Variants in TPH1 observed in about 807,000 individuals in gnomAD.
The protein encoded by TPH1 is tryptophan 5-hydroxylase 1.
A neutral mutation model predicts 49.5 loss-of-function variants in TPH1; 37 were observed. That is an observed-to-expected ratio of 0.75 (90% CI 0.58 to 0.98). The LOEUF (loss-of-function observed/expected upper bound fraction) is 0.98, where lower values mean the gene tolerates loss of function less well. TPH1 is among the 50% of genes least tolerant of loss of function. The probability of loss-of-function intolerance (pLI) is 0.00; values close to 1 mark genes in which losing one functional copy is unlikely to be tolerated. For missense variants in TPH1, 487 were observed against 523.6 expected (o/e 0.93, Z 0.68); for synonymous variants, 160 against 182.1 (o/e 0.88, Z 0.98).
In TPH1 at chr11:18,020,814, G is replaced by T; in HGVS notation, c.*177C>A. The T allele has an allele frequency of 1.6e-6, 1 of 621,366 alleles. No individual in the cohort carries two copies. The highest frequency in any genetic ancestry group is 2.8e-6 in the Non-Finnish European group (1 of 354,996). 38.5% of individuals were successfully genotyped at this position (621,366 alleles called of 1,614,324 possible). ...ATAAAACTAAACAAAAAAATAAGTG[G>T]TAAATAGAATATCCAGGTACAAATT... On this transcript the variant is annotated 3_prime_UTR_variant, in exon 11 of 11. Transcript: ENST00000682019.
chr11:18,034,813 T>C (rs17721739), intron 3 of TPH1, among the ~76,000 whole-genome samples: 20,060 of 152,214 alleles, frequency 0.13, 1,607 homozygotes, highest in Middle Eastern at 0.29. Context: ...ACCTTTATCT[T>C]TGCTACCTGA....
chr11:18,041,760 T>C (rs1391414325), intron 1 of TPH1, among the ~76,000 whole-genome samples: 6 of 152,232 alleles, frequency 3.9e-5, no homozygotes, highest in Non-Finnish European at 8.8e-5. Context: ...CAATTTCTAT[T>C]TCAAATGCTA....
At chr11:18,033,177 C>T in intron 4 of TPH1, 97 bp downstream of exon 4, 2 of 947,812 alleles carry the variant, frequency 2.1e-6, no homozygotes, top group Admixed American at 1.7e-5. Flanking sequence ...CACTTGAACC[C>T]AAGAAGCAGA....
At chr11:18,040,075 ATAAT>A (rs1273315839) in intron 2 of TPH1, among the ~76,000 whole-genome samples, 2 of 150,386 alleles carry the variant, frequency 1.3e-5, no homozygotes, top group African/African-American at 2.4e-5. Context: ...TCTCAAGTAT[ATAAT>A]TAATAATATA....
chr11:18,021,033 GACA>G lies in TPH1; in HGVS notation c.1290_1292del (p.Val431del), dbSNP rs1854355473. The G allele has an allele frequency of 6.2e-7, 1 of 1,613,912 alleles. No individual in the cohort carries two copies. The highest frequency in any genetic ancestry group is 1.3e-5 in the African/African-American group (1 of 74,880). On this transcript the variant is annotated inframe_deletion, in exon 11 of 11. Coordinates refer to ENST00000682019, the MANE Select transcript of TPH1 (RefSeq NM_004179.3). ...TGCTGACCTTAGCAAGGGCATCACT[GACA>G]ACATCGAGATCATGCTGCAGCTCAT...
chr11:18,033,215 T>A (rs1467810377), intron 4 of TPH1, 59 bp downstream of exon 4: 1 of 1,318,106 alleles, frequency 7.6e-7, no homozygotes, highest in East Asian at 2.3e-5. Flanking sequence ...ATCGTGCCAC[T>A]GCACTCCAGT....
At chr11:18,029,650 T>A in intron 4 of TPH1, 71 bp from the exon 5 acceptor site, 3 of 1,257,620 alleles carry the variant, frequency 2.4e-6, no homozygotes, top group Non-Finnish European at 3.5e-6. Context: ...TGGGAAACAT[T>A]TCATTATTAC....
chr11:18,032,798 G>A (rs937645327), intron 4 of TPH1, among the ~76,000 whole-genome samples: 10 of 151,690 alleles, frequency 6.6e-5, no homozygotes, highest in South Asian at 2.1e-4. Context: ...CACCCGCATC[G>A]GCCTCCCAAA....
chr11:18,024,130 T>G, intron 8 of TPH1, 147 bp from the exon 9 acceptor site: 2 of 696,700 alleles, frequency 2.9e-6, no homozygotes, highest in Non-Finnish European at 5.2e-6. Context: ...CTGACCTCAT[T>G]CTAAACCAGT....
chr11:18,041,575 A>T (rs1191691750), intron 1 of TPH1, among the ~76,000 whole-genome samples: 1 of 152,186 alleles, frequency 6.6e-6, no homozygotes, highest in African/African-American at 2.4e-5. Flanking sequence ...ACATCATAAC[A>T]TGGCGTGCTA....
In TPH1 at chr11:18,021,110, G is replaced by C. The variant is rs151168710; in HGVS notation, c.1216C>G (p.Arg406Gly). Residue 406 changes from arginine (R) to glycine (G), a missense_variant, in exon 11 of 11, where the codon CGG (arginine) becomes GGG (glycine). Transcript: ENST00000682019. ...GTGTCTTTCAGGATCTGAATACTCC[G>C]TGTATATGGATTATACTTCACTCCA... Reference protein sequence around the residue: ...PFGVKYNPYTRSIQILKDTKS... With the variant: ...PFGVKYNPYTGSIQILKDTKS... The C allele has an allele frequency of 6.2e-7, 1 of 1,613,420 alleles. No individual in the cohort carries two copies. Among genetic ancestry groups the C allele is most frequent in the Non-Finnish European group, 8.5e-7 (1 of 1,179,516 alleles).
rs57335932 is a variant in TPH1, at chr11:18,026,393, C to CAAAAAAAAAAA, written c.803+86_803+96dup. ...GCTAATTTATTTAATCCTCGCACAC[C>CAAAAAAAAAAA]AAAAAAAAAAAAAAAAAAAAAAAAG... On this transcript the variant is annotated intron_variant, in intron 7 of 10. Transcript: ENST00000682019. 5.6e-5 allele frequency: 33 copies of CAAAAAAAAAAA among 588,750 alleles called. 4 individuals are homozygous for CAAAAAAAAAAA. The highest frequency in any genetic ancestry group is 1.0e-4 in the African/African-American group (3 of 28,922). 36.5% of individuals were successfully genotyped at this position (588,750 alleles called of 1,614,324 possible). A position where few individuals can be genotyped will look rare whatever the true frequency, so the allele number is the denominator to read the frequency against.
rs145842425 is a variant in TPH1 at position 18,036,090 on chromosome 11, T to A, written c.170A>T (p.Asn57Ile). ...HIESRKSKRRNSEFEIFVDCD... is the reference protein window; with the variant it reads ...HIESRKSKRRISEFEIFVDCD... ...GTCAACAAAAATCTCAAATTCTGAG[T>A]TTCTTCTTTTTGATTTTCGGGACTC... Residue 57 changes from asparagine to isoleucine, a missense_variant, in exon 3 of 11, where the codon AAC becomes ATC. By Grantham distance (149) the Asn-to-Ile change is moderately radical. Coordinates refer to ENST00000682019, the MANE Select transcript of TPH1 (RefSeq NM_004179.3). 647 of 1,613,384 alleles carry A rather than the reference T, an allele frequency of 4.0e-4. 4 individuals are homozygous for A. In the African/African-American group the frequency reaches 6.9e-3, roughly 17 times the overall value.
At position 18,021,094 on chromosome 11, in the gene TPH1, AG is replaced by A; in HGVS notation, c.1231del (p.Leu411Ter). On this transcript the variant is annotated frameshift_variant, in exon 11 of 11. Transcript: ENST00000682019. LOFTEE classifies it high-confidence loss of function. ...ACTGGTTATGCTCTTGGTGTCTTTCAGGATCTGAATACTCCGTGTATATGGA... is the reference window on the plus strand; with the variant it reads ...ACTGGTTATGCTCTTGGTGTCTTTCAGATCTGAATACTCCGTGTATATGGA... Reference protein sequence around the residue: ...YNPYTRSIQILKDTKSITSAM... With the variant: ...YNPYTRSIQIXKDTKSITSAM... 1 of 1,614,146 alleles carries A rather than the reference AG, an allele frequency of 6.2e-7. No homozygotes were observed. The highest frequency in any genetic ancestry group is 8.5e-7 in the Non-Finnish European group (1 of 1,179,972).
chr11:18,042,313 C>G, intron 1 of TPH1: 1 of 451,068 alleles, frequency 2.2e-6, no homozygotes, highest in Non-Finnish European at 4.4e-6. Flanking sequence ...CTCAGATAAG[C>G]ATTCTCAAAA....
chr11:18,035,403 T>TC (rs1554899043), intron 3 of TPH1, among the ~76,000 whole-genome samples: 1 of 136,240 alleles, frequency 7.3e-6, no homozygotes, highest in East Asian at 2.1e-4. Context: ...TTTCTTTCTT[T>TC]TTTCTTTCTT....
At position 18,020,774 on chromosome 11, in the gene TPH1, C is replaced by CAA. The variant is rs879119500; in HGVS notation, c.*215_*216dup. 1.1e-4 allele frequency: 45 copies of CAA among 414,598 alleles called. No homozygotes were observed. Among genetic ancestry groups the CAA allele is most frequent in the East Asian group, 2.1e-4 (5 of 23,380 alleles). 25.7% of individuals were successfully genotyped at this position (414,598 alleles called of 1,614,324 possible). On this transcript the variant is annotated 3_prime_UTR_variant, in exon 11 of 11. Coordinates refer to ENST00000682019, the MANE Select transcript of TPH1 (RefSeq NM_004179.3). Reference sequence around the variant, plus strand: ...TAAATTGTCTCATTAAAGCTGCTACCAAAAAAAAAAAGAAATAAAACTAAA... The same window carrying CAA: ...TAAATTGTCTCATTAAAGCTGCTACCAAAAAAAAAAAAAGAAATAAAACTAAA...
chr11:18,038,916 G>A (rs981889043), intron 2 of TPH1, among the ~76,000 whole-genome samples: 16 of 152,186 alleles, frequency 1.1e-4, no homozygotes, highest in African/African-American at 3.9e-4. Flanking sequence ...GAGAGGGAAG[G>A]GAGGGAGGTG....
intron 2 of TPH1, among the ~76,000 whole-genome samples, chr11:18,039,301 C>T (rs1470881762): frequency 6.6e-6 from 1 of 152,136 alleles, no homozygotes; most frequent in Non-Finnish European, 1.5e-5. Context: ...TCTACTAATG[C>T]TCACAATGAC....
Sources: gnomAD v4.1 joint callset for allele counts (sites outside exome capture counted in the v4.1 genomes callset) on GRCh38, gnomAD v4.1.1 for gene constraint, MANE v1.5 for transcripts, NCBI Gene and HGNC (gene_info 2026-07-23, HGNC 2026-07-21) for gene names.